The following NKAIN2 variants were observed in gnomAD, a reference collection of about 807,000 sequenced individuals.
NKAIN2 encodes sodium/potassium-transporting ATPase subunit beta-1-interacting protein 2.
NKAIN2 carries 14 observed loss-of-function variants against 32.6 expected under a neutral mutation model. The ratio of observed to expected loss-of-function variants is 0.43; its 90% confidence interval spans 0.28 to 0.67. The LOEUF is 0.67. Ranked by LOEUF, NKAIN2 falls within the 30% of genes least tolerant of loss-of-function variation. The pLI is 0.17. For missense variants in NKAIN2, 198 were observed against 258.3 expected, an observed-to-expected ratio of 0.77 and a Z score of 1.60; for synonymous variants, 80 against 87.2, an observed-to-expected ratio of 0.92 and a Z score of 0.46.
chr6:124,234,283 C>T (rs1198555914), intron 1 of NKAIN2, among the ~76,000 whole-genome samples: 1 of 152,146 alleles, frequency 6.6e-6, no homozygotes, highest in Non-Finnish European at 1.5e-5. Context: ...CTATTTCTTT[C>T]ACAGTCATTT....
intron 1 of NKAIN2, among the ~76,000 whole-genome samples, chr6:123,849,876 G>A (rs1359576460): frequency 6.6e-6 from 1 of 150,794 alleles, no homozygotes; most frequent in East Asian, 2.0e-4. Flanking sequence ...AGATGAGTCA[G>A]TGTTTATTAT....
At chr6:124,501,356 G>A (rs962861616) in intron 3 of NKAIN2, among the ~76,000 whole-genome samples, 3 of 152,140 alleles carry the variant, frequency 2.0e-5, no homozygotes, top group African/African-American at 7.2e-5. Flanking sequence ...TAAATAAAGT[G>A]CATGAAGCCA....
intron 1 of NKAIN2, among the ~76,000 whole-genome samples, chr6:123,839,224 C>G (rs544108451): frequency 1.5e-4 from 21 of 143,748 alleles, no homozygotes; most frequent in Admixed American, 4.1e-4. Context: ...AACCTAAACA[C>G]TCCAAAAAAA....
In NKAIN2 at chr6:124,120,385, G is replaced by A. The variant is rs969147214; in HGVS notation, c.55-162620G>A. Among the ~76,000 whole-genome samples the A allele has an allele frequency of 2.6e-5, 4 of 152,090 alleles. No homozygotes were observed. The East Asian group carries it at 5.8e-4, about 22-fold the overall frequency. ...TAATTGAACCTACTTTATAACATTAGTGGATAATAATAGTATCAAGAGTAA... is the reference window on the plus strand; with the variant it reads ...TAATTGAACCTACTTTATAACATTAATGGATAATAATAGTATCAAGAGTAA... On this transcript the variant is annotated intron_variant, in intron 1 of 6. Coordinates refer to ENST00000368417, the MANE Select transcript of NKAIN2 (RefSeq NM_001040214.3).
chr6:124,558,740 T>C (rs1377989320), intron 3 of NKAIN2, among the ~76,000 whole-genome samples: 5 of 152,090 alleles, frequency 3.3e-5, no homozygotes, highest in Non-Finnish European at 7.4e-5. Context: ...TTGAGGTCAG[T>C]AGTTTGAGAC....
chr6:124,407,044 G>A (rs753210817), intron 3 of NKAIN2, among the ~76,000 whole-genome samples: 1 of 152,024 alleles, frequency 6.6e-6, no homozygotes, highest in Non-Finnish European at 1.5e-5. Flanking sequence ...CATGAACAAT[G>A]TTTTGCTGAT....
intron 3 of NKAIN2, among the ~76,000 whole-genome samples, chr6:124,603,898 G>A (rs1782402096): frequency 6.6e-6 from 1 of 151,918 alleles, no homozygotes; most frequent in Non-Finnish European, 1.5e-5. Context: ...TTGGTCTCAG[G>A]ACATGAAATG....
chr6:124,065,099 A>G (rs375617270), intron 1 of NKAIN2, among the ~76,000 whole-genome samples: 3 of 152,112 alleles, frequency 2.0e-5, no homozygotes, highest in African/African-American at 7.2e-5. Context: ...TTTTCTCACA[A>G]TGTAACACAA....
At chr6:124,767,082 G>A (rs1778546814) in intron 4 of NKAIN2, among the ~76,000 whole-genome samples, 1 of 151,950 alleles carries the variant, frequency 6.6e-6, no homozygotes, top group Non-Finnish European at 1.5e-5. Context: ...TTTTAGTTGA[G>A]ACGGGGTTTC....
chr6:124,401,280 C>G (rs1773613602), intron 3 of NKAIN2, among the ~76,000 whole-genome samples: 1 of 152,046 alleles, frequency 6.6e-6, no homozygotes, highest in African/African-American at 2.4e-5. Context: ...CATTTTCCCC[C>G]CAATTTTTTG....
chr6:124,312,912 G>A (rs1796782969), intron 2 of NKAIN2, among the ~76,000 whole-genome samples: 1 of 151,800 alleles, frequency 6.6e-6, no homozygotes, highest in Non-Finnish European at 1.5e-5. Context: ...AGACAGAAAA[G>A]CGGGAGGAAA....
chr6:124,676,615 T>G (rs1427423497), intron 4 of NKAIN2, among the ~76,000 whole-genome samples: 2 of 152,146 alleles, frequency 1.3e-5, no homozygotes, highest in African/African-American at 4.8e-5. Flanking sequence ...TTATTTATTT[T>G]TAGAGACAGA....
At chr6:124,029,408 A>AT (rs1554243302) in intron 1 of NKAIN2, among the ~76,000 whole-genome samples, 4 of 152,024 alleles carry the variant, frequency 2.6e-5, no homozygotes, top group African/African-American at 9.7e-5. Context: ...AAAAAAAAAA[A>AT]AGTAGGGCCG....
intron 3 of NKAIN2, among the ~76,000 whole-genome samples, chr6:124,637,031 T>A (rs1203518302): frequency 6.6e-6 from 1 of 152,020 alleles, no homozygotes; most frequent in Non-Finnish European, 1.5e-5. Context: ...CATTAAAAGA[T>A]AATAGATGAT....
intron 4 of NKAIN2, among the ~76,000 whole-genome samples, chr6:124,717,662 C>A (rs1775815411): frequency 6.6e-6 from 1 of 151,868 alleles, no homozygotes; most frequent in Non-Finnish European, 1.5e-5. Context: ...AAAAACCATC[C>A]CTTCGTAATT....
At chr6:124,048,966 G>A (rs1489527304) in intron 1 of NKAIN2, among the ~76,000 whole-genome samples, 2 of 151,976 alleles carry the variant, frequency 1.3e-5, no homozygotes, top group Non-Finnish European at 2.9e-5. Context: ...AAGAGAGTAC[G>A]TAGAATCAGT....
chr6:124,050,683 AATTT>A (rs935284246), intron 1 of NKAIN2, among the ~76,000 whole-genome samples: 2 of 152,024 alleles, frequency 1.3e-5, no homozygotes, highest in African/African-American at 4.8e-5. Context: ...AGAAAAGCTA[AATTT>A]ATTTATTTAT....
chr6:124,419,060 T>C (rs1322580), intron 3 of NKAIN2, among the ~76,000 whole-genome samples: 4,989 of 152,216 alleles, frequency 0.033, 266 homozygotes, highest in African/African-American at 0.11. Context: ...ACTCTGCCTG[T>C]TTTAATGTTG....
chr6:123,916,644 G>A (rs957022467), intron 1 of NKAIN2, among the ~76,000 whole-genome samples: 2 of 152,066 alleles, frequency 1.3e-5, no homozygotes, highest in Admixed American at 6.6e-5. Context: ...ATATGAAGGT[G>A]GGAGATTTGA....
Sources: allele counts gnomAD v4.1 joint callset (sites outside exome capture counted in the v4.1 genomes callset), GRCh38; gene constraint gnomAD v4.1.1; transcripts MANE v1.5; gene names NCBI Gene and HGNC (gene_info 2026-07-23, HGNC 2026-07-21).